The following NBEAL1 variants were observed in gnomAD, a reference collection of about 807,000 sequenced individuals.
The protein encoded by NBEAL1 is neurobeachin-like protein 1.
In NBEAL1, 273 loss-of-function variants were observed where a neutral mutation model predicts 351.3. The ratio of observed to expected loss-of-function variants is 0.78; its 90% CI spans 0.70 to 0.86. The LOEUF is 0.86. Ranked by LOEUF, NBEAL1 falls within the 40% of genes least tolerant of loss-of-function variation. The probability of loss-of-function intolerance (pLI) is 0.00; values close to 1 mark genes in which losing one functional copy is unlikely to be tolerated. For synonymous variants in NBEAL1, 1,050 were observed against 1,086.4 expected (o/e 0.97, Z 0.66); for missense variants, 2,961 against 3,201.3 (o/e 0.92, Z 1.81).
chr2:203,141,307 T>C (rs1189958427), intron 31 of NBEAL1, among the ~76,000 whole-genome samples: 1 of 142,790 alleles, frequency 7.0e-6, no homozygotes, highest in African/African-American at 2.5e-5. Flanking sequence ...ATAGGGGCTT[T>C]ATAAGTACAA....
At chr2:203,094,152 T>C (rs911013606) in intron 10 of NBEAL1, among the ~76,000 whole-genome samples, 6 of 152,174 alleles carry the variant, frequency 3.9e-5, no homozygotes, top group African/African-American at 7.2e-5. Flanking sequence ...CTAAGTCCAT[T>C]GTAATATATA....
intron 36 of NBEAL1, among the ~76,000 whole-genome samples, chr2:203,164,548 A>G (rs1457592092): frequency 6.6e-6 from 1 of 151,932 alleles, no homozygotes; most frequent in African/African-American, 2.4e-5. Context: ...CCCTCAGACT[A>G]TTTACTTTTT....
intron 4 of NBEAL1, among the ~76,000 whole-genome samples, chr2:203,054,449 T>C (rs2061374104): frequency 6.6e-6 from 1 of 152,002 alleles, no homozygotes; most frequent in African/African-American, 2.4e-5. Context: ...AAATTTTTTT[T>C]TTCAAATTAT....
chr2:203,022,210 CTG>C (rs2060784351), intron 2 of NBEAL1, among the ~76,000 whole-genome samples: 1 of 152,088 alleles, frequency 6.6e-6, no homozygotes, highest in South Asian at 2.1e-4. Flanking sequence ...AAAAAAGAAA[CTG>C]AGCCTCTCAA....
chr2:203,056,339 A>G (rs758184817), intron 4 of NBEAL1, 88 bp from the exon 5 acceptor site: 3 of 733,172 alleles, frequency 4.1e-6, no homozygotes, highest in Non-Finnish European at 7.3e-6. Context: ...GTTTGCCAGC[A>G]TGTGTTCTCA....
intron 42 of NBEAL1, among the ~76,000 whole-genome samples, chr2:203,179,307 A>G (rs2064625484): frequency 6.6e-6 from 1 of 152,198 alleles, no homozygotes. Context: ...GATTAAATTT[A>G]AATAAATAAA....
At chr2:203,092,036 CA>C (rs758012389) in intron 10 of NBEAL1, among the ~76,000 whole-genome samples, 10 of 152,020 alleles carry the variant, frequency 6.6e-5, no homozygotes, top group Non-Finnish European at 1.5e-4. Context: ...AATTTATTTC[CA>C]AAATAGAATT....
chr2:203,175,390 GTA>G, intron 42 of NBEAL1, 103 bp downstream of exon 42: 2 of 1,194,416 alleles, frequency 1.7e-6, no homozygotes, highest in Non-Finnish European at 2.4e-6. Flanking sequence ...TTATTCTCCT[GTA>G]TTAAATTTTG....
chr2:203,198,837 A>G (rs558746905), intron 48 of NBEAL1, among the ~76,000 whole-genome samples: 361 of 151,518 alleles, frequency 2.4e-3, no homozygotes, highest in Non-Finnish European at 4.3e-3. Context: ...AGCCTGGGTG[A>G]CAGAGCAAGA....
At chr2:203,145,309 T>C in intron 33 of NBEAL1, 149 bp downstream of exon 33, 2 of 734,378 alleles carry the variant, frequency 2.7e-6, no homozygotes, top group Non-Finnish European at 4.2e-6. Context: ...GAAAAACAGC[T>C]AATCAGTAAC....
chr2:203,132,263 T>A, intron 26 of NBEAL1, 131 bp downstream of exon 26: 4 of 614,932 alleles, frequency 6.5e-6, no homozygotes, highest in Non-Finnish European at 8.2e-6. Flanking sequence ...GGATACCATA[T>A]CTTACGTAGT....
intron 35 of NBEAL1, among the ~76,000 whole-genome samples, chr2:203,154,602 A>G (rs906853472): frequency 1.3e-5 from 2 of 152,174 alleles, no homozygotes; most frequent in Non-Finnish European, 2.9e-5. Context: ...ATGATTTAAA[A>G]TATTATTTTG....
intron 44 of NBEAL1, among the ~76,000 whole-genome samples, chr2:203,184,498 T>C (rs1051022144): frequency 9.2e-5 from 14 of 152,092 alleles, no homozygotes; most frequent in African/African-American, 3.4e-4. Flanking sequence ...GAAGGACTAG[T>C]GAGGGTTAGT....
At chr2:203,025,388 G>A (rs1400569066) in intron 2 of NBEAL1, among the ~76,000 whole-genome samples, 1 of 152,056 alleles carries the variant, frequency 6.6e-6, no homozygotes, top group African/African-American at 2.4e-5. Context: ...TGATAACTCC[G>A]AGCATTCTCG....
intron 18 of NBEAL1, among the ~76,000 whole-genome samples, chr2:203,117,089 G>A (rs2062717367): frequency 6.6e-6 from 1 of 151,860 alleles, no homozygotes; most frequent in Non-Finnish European, 1.5e-5. Flanking sequence ...GTGACAGACT[G>A]AGACTCCATC....
At chr2:203,053,948 T>C (rs1328105731) in intron 4 of NBEAL1, among the ~76,000 whole-genome samples, 1 of 152,090 alleles carries the variant, frequency 6.6e-6, no homozygotes, top group Non-Finnish European at 1.5e-5. Context: ...TGGATTATGC[T>C]TTTTTAAAAA....
At chr2:203,173,309 TAAG>T (rs751310033) in intron 41 of NBEAL1, among the ~76,000 whole-genome samples, 7 of 152,142 alleles carry the variant, frequency 4.6e-5, no homozygotes, top group Non-Finnish European at 5.9e-5. Flanking sequence ...GTCATTTTGA[TAAG>T]AAGAAGAAGA....
At position 203,108,198 on chromosome 2, in the gene NBEAL1, A is replaced by C. The variant is rs1386974480; in HGVS notation, c.1949+10A>C. ...GGAAACAATTGTACAGGTATTGGTA[A>C]AAATTATGGAATATAAATGAATACT... On this transcript the variant is annotated intron_variant, in intron 14 of 55. Transcript: ENST00000683969. The C allele has an allele frequency of 6.6e-7, 1 of 1,515,366 alleles. No individual in the cohort carries two copies. The highest frequency in any genetic ancestry group is 2.5e-5 in the East Asian group (1 of 40,528). 93.9% of individuals were successfully genotyped at this position (1,515,366 alleles called of 1,614,324 possible). A position where few individuals can be genotyped will look rare whatever the true frequency, so the allele number is the denominator to read the frequency against.
At chr2:203,171,318 A>G (rs1340060450) in intron 39 of NBEAL1, among the ~76,000 whole-genome samples, 1 of 152,034 alleles carries the variant, frequency 6.6e-6, no homozygotes, top group Non-Finnish European at 1.5e-5. Flanking sequence ...ATTTTAAGAC[A>G]TTTATTCTGG....
Sources: gnomAD v4.1 joint callset for allele counts (sites outside exome capture counted in the v4.1 genomes callset) on GRCh38, gnomAD v4.1.1 for gene constraint, MANE v1.5 for transcripts, NCBI Gene and HGNC (gene_info 2026-07-23, HGNC 2026-07-21) for gene names.